The following SGK1 variants were observed in gnomAD, a reference collection of about 807,000 sequenced individuals.
SGK1 encodes serine/threonine-protein kinase Sgk1.
Under a neutral mutation model 64.2 loss-of-function variants are expected in SGK1, and 26 were observed. That is an observed-to-expected ratio of 0.40 (90% confidence interval 0.30 to 0.56). The LOEUF (loss-of-function observed/expected upper bound fraction) is 0.56. Ranked by LOEUF, SGK1 falls within the 20% of genes least tolerant of loss-of-function variation. The pLI is 0.38. For synonymous variants in SGK1, 265 were observed against 239.7 expected, an observed-to-expected ratio of 1.11 and a Z score of -0.98; for missense variants, 519 against 645.6, an observed-to-expected ratio of 0.80 and a Z score of 2.12.
chr6:134,173,866 A>G (rs1012798310), intron 5 of SGK1, 139 bp downstream of exon 5: 9 of 666,956 alleles, frequency 1.3e-5, no homozygotes, highest in Non-Finnish European at 2.1e-5. Flanking sequence ...TTAAATATTT[A>G]TATCACTTGT....
intron 2 of SGK1, chr6:134,218,834 AT>A (rs1370549750): frequency 3.3e-5 from 5 of 152,178 alleles, no homozygotes. Context: ...GTCATTTTAG[AT>A]TCTTTAAGGG....
chr6:134,287,422 A>C (rs1273816242), intron 1 of SGK1, among the ~76,000 whole-genome samples: 1 of 146,922 alleles, frequency 6.8e-6, no homozygotes, highest in Admixed American at 6.8e-5. Context: ...AAGATTAATG[A>C]TTGTTTATAT....
At chr6:134,248,681 G>C (rs1276546678) in intron 2 of SGK1, among the ~76,000 whole-genome samples, 4 of 151,858 alleles carry the variant, frequency 2.6e-5, no homozygotes, top group African/African-American at 7.3e-5. Flanking sequence ...CAAACTACCT[G>C]CCTCGGCCTT....
At chr6:134,207,316 T>G (rs1775809604) in intron 3 of SGK1, 40 bp downstream of exon 3, 2 of 1,237,748 alleles carry the variant, frequency 1.6e-6, no homozygotes, top group Admixed American at 1.8e-5. Flanking sequence ...GAATGTATCC[T>G]GTACATAACA....
intron 2 of SGK1, among the ~76,000 whole-genome samples, chr6:134,219,525 C>T (rs1210902702): frequency 6.6e-6 from 1 of 152,102 alleles, no homozygotes; most frequent in Non-Finnish European, 1.5e-5. Context: ...CTTTGGGAGG[C>T]TGAGGCGAGC....
At chr6:134,274,649 GCAAGTATTC>G (rs754887107) in intron 1 of SGK1, among the ~76,000 whole-genome samples, 13 of 147,870 alleles carry the variant, frequency 8.8e-5, no homozygotes, top group Non-Finnish European at 1.8e-4. Context: ...TAATTATAAT[GCAAGTATTC>G]CAAAATCTGA....
intron 1 of SGK1, among the ~76,000 whole-genome samples, chr6:134,296,776 C>CAAA (rs869144600): frequency 3.6e-4 from 24 of 66,648 alleles, no homozygotes; most frequent in East Asian, 7.9e-4. Flanking sequence ...TATTTTGGAC[C>CAAA]AAAAAAAAAA....
At chr6:134,243,651 G>A (rs1017559773) in intron 2 of SGK1, among the ~76,000 whole-genome samples, 5 of 152,126 alleles carry the variant, frequency 3.3e-5, no homozygotes, top group Middle Eastern at 3.2e-3. Flanking sequence ...TTACAGGCAC[G>A]AGCCACCGCG....
chr6:134,240,606 T>C (rs961634037), intron 2 of SGK1, among the ~76,000 whole-genome samples: 1 of 152,204 alleles, frequency 6.6e-6, no homozygotes, highest in Non-Finnish European at 1.5e-5. Flanking sequence ...GGAAATTAAA[T>C]GAGATAATGC....
At chr6:134,196,702 G>T (rs1464891403) in intron 3 of SGK1, among the ~76,000 whole-genome samples, 1 of 152,190 alleles carries the variant, frequency 6.6e-6, no homozygotes, top group Admixed American at 6.5e-5. Context: ...GAGAATGATT[G>T]TGGTTACCTG....
chr6:134,206,150 C>T (rs563060108), intron 3 of SGK1, among the ~76,000 whole-genome samples: 96 of 151,730 alleles, frequency 6.3e-4, no homozygotes, highest in African/African-American at 2.3e-3. Flanking sequence ...ACATGCCCTC[C>T]CATAAGTATT....
Position 134,173,006 on chromosome 6 carries a change from C to T in SGK1, c.834+17G>A, listed in dbSNP as rs1488061632. The stretch of plus-strand genomic sequence containing the variant: ...GTGCAGAGACACTAAGAGTTGACTT[C>T]TATCCCCCCTGCTCACCTCTCCACC... On this transcript the variant is annotated intron_variant, in intron 8 of 13. Transcript: ENST00000367858. 1 of 1,603,176 alleles carries T rather than the reference C, an allele frequency of 6.2e-7. No homozygotes were observed. Among genetic ancestry groups the T allele is most frequent in the African/African-American group, 1.3e-5 (1 of 74,544 alleles).
chr6:134,286,714 G>A (rs1293082413), intron 1 of SGK1, among the ~76,000 whole-genome samples: 2 of 151,992 alleles, frequency 1.3e-5, no homozygotes, highest in Non-Finnish European at 2.9e-5. Context: ...TGATCCGCCC[G>A]CCTCAGCCTC....
At chr6:134,214,885 G>A (rs1176278202) in intron 2 of SGK1, 1 of 306,674 alleles carries the variant, frequency 3.3e-6, no homozygotes, top group African/African-American at 2.2e-5. Flanking sequence ...GGTAGAAAGA[G>A]ATTTTTCTTG....
At chr6:134,211,929 T>C (rs1051870252) in intron 2 of SGK1, among the ~76,000 whole-genome samples, 7 of 150,980 alleles carry the variant, frequency 4.6e-5, no homozygotes, top group African/African-American at 1.7e-4. Flanking sequence ...GCAGCCTCAG[T>C]ATGAATCCCT....
At chr6:134,296,884 A>G (rs6910016) in intron 1 of SGK1, 143,149 of 285,596 alleles carry the variant, frequency 0.5, 37,578 homozygotes, top group East Asian at 0.92. Flanking sequence ...GAGGGCTAGG[A>G]CTGAGCCTCA....
chr6:134,282,120 C>T (rs992887496), intron 1 of SGK1, among the ~76,000 whole-genome samples: 7 of 152,112 alleles, frequency 4.6e-5, no homozygotes, highest in Non-Finnish European at 7.4e-5. Flanking sequence ...TGACCTCTGT[C>T]GTGTTGAGTC....
At chr6:134,211,877 GAAAAAAAAAAAAA>G (rs573091377) in intron 2 of SGK1, among the ~76,000 whole-genome samples, 1 of 81,598 alleles carries the variant, frequency 1.2e-5, no homozygotes, top group East Asian at 4.2e-4. Flanking sequence ...CGTCTACAAG[GAAAAAAAAAAAAA>G]AAAAAAAAAA....
At position 134,170,212 on chromosome 6, in the gene SGK1, A is replaced by C; in HGVS notation, c.*56T>G. ...CAGCTGGCGGCTCCACCAAAAGGCTAACTAAAACATTCGGAAACACACATA... is the reference window on the plus strand; with the variant it reads ...CAGCTGGCGGCTCCACCAAAAGGCTCACTAAAACATTCGGAAACACACATA... On this transcript the variant is annotated 3_prime_UTR_variant, in exon 14 of 14. Coordinates refer to ENST00000367858, the MANE Select transcript of SGK1 (RefSeq NM_001143676.3). 2.1e-6 allele frequency: 3 copies of C among 1,461,030 alleles called. No homozygotes were observed. The highest frequency in any genetic ancestry group is 2.8e-6 in the Non-Finnish European group (3 of 1,066,076). 90.5% of individuals were successfully genotyped at this position (1,461,030 alleles called of 1,614,324 possible).
Sources: allele counts gnomAD v4.1 joint callset (sites outside exome capture counted in the v4.1 genomes callset), GRCh38; gene constraint gnomAD v4.1.1; transcripts MANE v1.5; gene names NCBI Gene and HGNC (gene_info 2026-07-23, HGNC 2026-07-21).